Variants in MIDN observed in about 807,000 individuals in gnomAD.
MIDN encodes the protein midnolin.
MIDN carries 26 observed loss-of-function variants against 46.1 expected under a neutral mutation model. That is an observed-to-expected ratio of 0.56 (90% CI 0.41 to 0.78). The LOEUF (loss-of-function observed/expected upper bound fraction) is 0.78. Ranked by LOEUF, MIDN falls within the 30% of genes least tolerant of loss-of-function variation. The pLI is 0.00. For missense variants in MIDN, 850 were observed against 771.8 expected, an observed-to-expected ratio of 1.10 and a Z score of -1.20; for synonymous variants, 432 against 343.3, an observed-to-expected ratio of 1.26 and a Z score of -2.86.
rs747466564 is a variant in MIDN, at chr19:1,255,520, C to T, written c.1084C>T (p.His362Tyr). The part of the protein sequence containing the change: ...ILNDLLSATR[H>Y]YQGMPPSLAQ... Reference sequence around the variant, plus strand: ...GAACGACCTCCTGAGCGCCACCCGGCACTACCAGGGCATGCCCCCTTCGCT... The same window carrying T: ...GAACGACCTCCTGAGCGCCACCCGGTACTACCAGGGCATGCCCCCTTCGCT... Residue 362 changes from histidine to tyrosine, a missense_variant, in exon 8 of 9, where the codon CAC becomes TAC. Coordinates refer to ENST00000682408, the MANE Select transcript of MIDN (RefSeq NM_001388306.1). 5 of 1,611,890 alleles carry T rather than the reference C, an allele frequency of 3.1e-6. No individual in the cohort carries two copies. The African/African-American group carries it at 5.3e-5, about 17-fold the overall frequency.
In MIDN at chr19:1,250,329, C is replaced by G. The variant is rs1176003588; in HGVS notation, c.33C>G (p.Cys11Trp). Residue 11 changes from cysteine (C) to tryptophan (W), a missense_variant, in exon 2 of 9, where the codon TGC becomes TGG. Transcript: ENST00000682408. ...CGCAGCCCGGCGGCGCCCGGAGCTGCCGGCGCGGGGCCCCCGGCGGCGCCT... is the reference window on the plus strand; with the variant it reads ...CGCAGCCCGGCGGCGCCCGGAGCTGGCGGCGCGGGGCCCCCGGCGGCGCCT... The part of the protein sequence containing the change: MEPQPGGARS[C>W]RRGAPGGACE... The G allele has an allele frequency of 3.9e-6, 4 of 1,013,708 alleles. No homozygotes were observed. The African/African-American group carries it at 7.0e-5, about 18-fold the overall frequency. The allele number at this position is 1,013,708 out of a possible 1,614,324, so 62.8% of individuals were successfully genotyped here. A position where few individuals can be genotyped will look rare whatever the true frequency, so the allele number is the denominator to read the frequency against.
Position 1,255,594 on chromosome 19 carries a change from C to T in MIDN, c.1158C>T (p.Pro386=), listed in dbSNP as rs376800151. The T allele has an allele frequency of 1.2e-4, 196 of 1,610,132 alleles. No individual in the cohort carries two copies. Among genetic ancestry groups the T allele is most frequent in the Non-Finnish European group, 1.5e-4 (179 of 1,179,260 alleles). ...HAQCSPASPA[P]DLAPRTTSCE... is the part of the protein sequence containing the mutation. ...AGTGCTCCCCGGCCTCACCGGCCCC[C>T]GACCTGGCCCCCAGAACTACCTCCT... Residue 386 remains proline (P), a synonymous_variant, in exon 8 of 9, where the codon CCC becomes CCT. Transcript: ENST00000682408.
chr19:1,250,159 C>G lies in MIDN; in HGVS notation c.-138C>G, dbSNP rs1348427437. ...TCTCGCATTCCGCGGCCGGGACTTT[C>G]TCGAGGAGGACGCGCGCTGCTCCGC... On this transcript the variant is annotated 5_prime_UTR_variant, in exon 2 of 9. Coordinates refer to ENST00000682408, the MANE Select transcript of MIDN (RefSeq NM_001388306.1). The G allele has an allele frequency of 1.4e-5, 3 of 208,566 alleles. No individual in the cohort carries two copies. Among genetic ancestry groups the G allele is most frequent in the Non-Finnish European group, 2.5e-5 (3 of 119,938 alleles). 12.9% of individuals were successfully genotyped at this position (208,566 alleles called of 1,614,324 possible).
chr19:1,251,961 CCGA>C (rs1200983759), intron 4 of MIDN, 60 bp downstream of exon 4: 20 of 1,434,916 alleles, frequency 1.4e-5, no homozygotes, highest in Non-Finnish European at 1.8e-5. Flanking sequence ...GCCTTGGCCA[CCGA>C]CGGGGCCTGG....
chr19:1,256,779 C>T (rs919327062), intron 8 of MIDN, among the ~76,000 whole-genome samples: 1 of 152,156 alleles, frequency 6.6e-6, no homozygotes, highest in African/African-American at 2.4e-5. Context: ...TGAGCTCAAG[C>T]GATTCTCCTG....
chr19:1,250,319 C>T lies in MIDN; in HGVS notation c.23C>T (p.Ala8Val). The change falls in exon 2 of 9, where the codon GCC becomes GTC. Residue 8 changes from alanine (A) to valine (V), a missense_variant. Ala to Val is a moderately conservative substitution (Grantham distance 64). Coordinates refer to ENST00000682408, the MANE Select transcript of MIDN (RefSeq NM_001388306.1). ...GGGATGGAGCCGCAGCCCGGCGGCG[C>T]CCGGAGCTGCCGGCGCGGGGCCCCC... MEPQPGG[A>V]RSCRRGAPGG... 1.0e-6 allele frequency: 1 copy of T among 999,144 alleles called. No individual in the cohort carries two copies. Among genetic ancestry groups the T allele is most frequent in the Non-Finnish European group, 1.2e-6 (1 of 840,376 alleles). The allele number at this position is 999,144 out of a possible 1,614,324, so 61.9% of individuals were successfully genotyped here. A position where few individuals can be genotyped will look rare whatever the true frequency, so the allele number is the denominator to read the frequency against.
In MIDN at chr19:1,255,505, C is replaced by T. The variant is rs1412176495; in HGVS notation, c.1069C>T (p.Leu357=). ...GTILQILNDL[L]SATRHYQGMP... is the part of the protein sequence containing the mutation. ...CATCCTGCAGATCCTGAACGACCTC[C>T]TGAGCGCCACCCGGCACTACCAGGG... Residue 357 remains leucine, a synonymous_variant, in exon 8 of 9, where the codon CTG becomes TTG. Coordinates refer to ENST00000682408, the MANE Select transcript of MIDN (RefSeq NM_001388306.1). The T allele has an allele frequency of 1.2e-6, 2 of 1,611,688 alleles. No homozygotes were observed. Among genetic ancestry groups the T allele is most frequent in the African/African-American group, 2.7e-5 (2 of 74,922 alleles).
chr19:1,250,266 GC>G lies in MIDN; in HGVS notation c.-29del. ...GGCGCGGCGAGGATTGGCGGCGCCC[GC>G]CGCCCCCAGCCCCCCAGCGCGCGCC... On this transcript the variant is annotated 5_prime_UTR_variant, in exon 2 of 9. Coordinates refer to ENST00000682408, the MANE Select transcript of MIDN (RefSeq NM_001388306.1). The G allele has an allele frequency of 2.2e-6, 2 of 894,064 alleles. No individual in the cohort carries two copies. Among genetic ancestry groups the G allele is most frequent in the Admixed American group, 6.3e-5 (1 of 15,996 alleles). 55.4% of individuals were successfully genotyped at this position (894,064 alleles called of 1,614,324 possible). A position where few individuals can be genotyped will look rare whatever the true frequency, so the allele number is the denominator to read the frequency against.
intron 4 of MIDN, among the ~76,000 whole-genome samples, chr19:1,253,202 T>A (rs897559410): frequency 6.6e-6 from 1 of 150,844 alleles, no homozygotes; most frequent in African/African-American, 2.4e-5. Context: ...GGGCCCTTCC[T>A]GCAAAGGCTG....
In MIDN at chr19:1,254,092, C is replaced by CG. The variant is rs2145492610; in HGVS notation, c.513+16dup. On this transcript the variant is annotated intron_variant, in intron 5 of 8. Coordinates refer to ENST00000682408, the MANE Select transcript of MIDN (RefSeq NM_001388306.1). ...CGGCGAGAGGCCCCAGGTCACAGCGCGGGGGGACTGGGCCGGGCTGGGCTG... is the reference window on the plus strand; with the variant it reads ...CGGCGAGAGGCCCCAGGTCACAGCGCGGGGGGGACTGGGCCGGGCTGGGCTG... 3 of 1,527,530 alleles carry CG rather than the reference C, an allele frequency of 2.0e-6. No homozygotes were observed. The highest frequency in any genetic ancestry group is 1.2e-5 in the South Asian group (1 of 84,644). 94.6% of individuals were successfully genotyped at this position (1,527,530 alleles called of 1,614,324 possible).
chr19:1,252,440 C>T (rs1415461651), intron 4 of MIDN, among the ~76,000 whole-genome samples: 1 of 152,176 alleles, frequency 6.6e-6, no homozygotes, highest in Non-Finnish European at 1.5e-5. Context: ...GGGTGCCCAG[C>T]CCTGGGGCCA....
rs560623589 is a variant in MIDN, at chr19:1,255,474, C to T, written c.1038C>T (p.Ile346=). The change falls in exon 8 of 9, where the codon ATC becomes ATT. Residue 346 remains isoleucine (I), a synonymous_variant. Coordinates refer to ENST00000682408, the MANE Select transcript of MIDN (RefSeq NM_001388306.1). ...QDSSGRPRRD[I]GTILQILNDL... ...GCAGCGGGCGGCCGCGGCGTGACAT[C>T]GGCACCATCCTGCAGATCCTGAACG... The T allele has an allele frequency of 1.2e-4, 195 of 1,609,198 alleles. 1 individual carries two copies. In the South Asian group the frequency reaches 1.7e-3, roughly 14 times the overall value.
rs996609321 is a variant in MIDN at position 1,251,913 on chromosome 19, C to G, written c.384+12C>G. On this transcript the variant is annotated intron_variant, in intron 4 of 8. Transcript: ENST00000682408. ...TCACGGAGACGCAGGTAAGACCTCG[C>G]CAGCCCCTTCCTAACAGGGCAGCCC... 1 of 1,611,356 alleles carries G rather than the reference C, an allele frequency of 6.2e-7. No individual in the cohort carries two copies. The highest frequency in any genetic ancestry group is 1.3e-5 in the African/African-American group (1 of 74,994).
Position 1,254,454 on chromosome 19 carries a change from C to G in MIDN, c.801C>G (p.His267Gln). Residue 267 changes from histidine to glutamine, a missense_variant, in exon 6 of 9, where the codon CAC becomes CAG. By Grantham distance (24) the His-to-Gln change is conservative (BLOSUM62 0). Transcript: ENST00000682408. ...SPITAGSFRS[H>Q]AASTTCPEQM... ...TCACAGCCGGCTCCTTCCGGTCCCA[C>G]GCAGCCTCCACCACCTGCCCGGAGG... 6.4e-7 allele frequency: 1 copy of G among 1,562,162 alleles called. No homozygotes were observed. Among genetic ancestry groups the G allele is most frequent in the Non-Finnish European group, 8.6e-7 (1 of 1,161,028 alleles).
intron 2 of MIDN, among the ~76,000 whole-genome samples, chr19:1,250,937 C>T (rs969094916): frequency 1.3e-5 from 2 of 151,872 alleles, no homozygotes; most frequent in African/African-American, 4.8e-5. Flanking sequence ...GTTCTCGCCT[C>T]CGAGCGCTCC....
chr19:1,253,452 G>C (rs1162250316), intron 4 of MIDN, among the ~76,000 whole-genome samples: 1 of 150,972 alleles, frequency 6.6e-6, no homozygotes, highest in Non-Finnish European at 1.5e-5. Flanking sequence ...ACTGGGGAGA[G>C]CAGGGCTCTG....
chr19:1,249,731 T>C (rs1165971499), intron 1 of MIDN, among the ~76,000 whole-genome samples, 159 bp from the exon 2 acceptor site: 1 of 149,224 alleles, frequency 6.7e-6, no homozygotes, highest in Non-Finnish European at 1.5e-5. Flanking sequence ...CCGCGGCGGC[T>C]CTCATAGGCC....
At chr19:1,249,637 C>A (rs958569117) in intron 1 of MIDN, among the ~76,000 whole-genome samples, 8 of 148,242 alleles carry the variant, frequency 5.4e-5, no homozygotes, top group Non-Finnish European at 9.0e-5. Flanking sequence ...GAGGCGCCAG[C>A]CCCGCCCCCG....
Position 1,257,379 on chromosome 19 carries a change from T to G in MIDN, c.*107T>G. The G allele has an allele frequency of 1.2e-6, 1 of 817,790 alleles. No homozygotes were observed. Among genetic ancestry groups the G allele is most frequent in the Non-Finnish European group, 2.0e-6 (1 of 502,228 alleles). The allele number at this position is 817,790 out of a possible 1,614,324, so 50.7% of individuals were successfully genotyped here. On this transcript the variant is annotated 3_prime_UTR_variant, in exon 9 of 9. Coordinates refer to ENST00000682408, the MANE Select transcript of MIDN (RefSeq NM_001388306.1). The stretch of plus-strand genomic sequence containing the variant: ...CCAGCCCTGGAGGGCAGGCGGCCAC[T>G]CCCCCAGCCAGAAGTCTTTTTTTCT...
Sources: gnomAD v4.1 joint callset for allele counts (sites outside exome capture counted in the v4.1 genomes callset) on GRCh38, gnomAD v4.1.1 for gene constraint, MANE v1.5 for transcripts, NCBI Gene and HGNC (gene_info 2026-07-23, HGNC 2026-07-21) for gene names.